Variants in CUX1 observed in about 807,000 individuals in gnomAD.
CUX1 encodes the protein cut like homeobox 1, also known as protein CASP.
A neutral mutation model predicts 158.8 loss-of-function variants in CUX1; 31 were observed. That is an observed-to-expected ratio of 0.20 (90% CI 0.15 to 0.26). The LOEUF is 0.26. Among genes scored for constraint, CUX1 ranks in the 10% least tolerant of loss-of-function variants. The pLI, the probability that CUX1 is intolerant of heterozygous loss-of-function variation, is 1.00. For synonymous variants in CUX1, 879 were observed against 862.1 expected, an observed-to-expected ratio of 1.02 and a Z score of -0.34; for missense variants, 1,589 against 2,014.6, an observed-to-expected ratio of 0.79 and a Z score of 4.04.
chr7:101,904,974 G>A (rs1253231164), intron 1 of CUX1, among the ~76,000 whole-genome samples: 1 of 152,158 alleles, frequency 6.6e-6, no homozygotes, highest in Admixed American at 6.6e-5. Flanking sequence ...ATTGCACTGG[G>A]CGTTTTATGT....
chr7:102,109,410 C>T (rs186298335), intron 6 of CUX1, among the ~76,000 whole-genome samples: 3 of 152,210 alleles, frequency 2.0e-5, no homozygotes, highest in Admixed American at 6.5e-5. Context: ...GCAGAGTATA[C>T]GAAAACACAC....
At chr7:102,143,329 C>T (rs371073546) in intron 8 of CUX1, among the ~76,000 whole-genome samples, 37 of 152,262 alleles carry the variant, frequency 2.4e-4, no homozygotes, top group Non-Finnish European at 2.9e-4. Context: ...AGCACAGAGG[C>T]GCGATCATAG....
intron 2 of CUX1, among the ~76,000 whole-genome samples, chr7:102,022,779 A>G (rs1001134455): frequency 7.9e-5 from 12 of 152,266 alleles, no homozygotes; most frequent in African/African-American, 2.7e-4. Flanking sequence ...TCTCAAGAAC[A>G]TCACTTTCTG....
chr7:102,151,791 C>A (rs911220616), intron 8 of CUX1, among the ~76,000 whole-genome samples: 2 of 151,114 alleles, frequency 1.3e-5, no homozygotes, highest in Non-Finnish European at 2.9e-5. Context: ...GCAAGACCCG[C>A]CTCCTTGGTC....
At chr7:102,046,569 A>ATTTTTTTGTTTTTTTTTTTTTTTT (rs1822832596) in intron 3 of CUX1, among the ~76,000 whole-genome samples, 1 of 55,466 alleles carries the variant, frequency 1.8e-5, no homozygotes, top group Non-Finnish European at 3.2e-5. Context: ...TTTGGTTTGG[A>ATTTTTTTGTTTTTTTTTTTTTTTT]TTTTTTTTTT....
intron 9 of CUX1, among the ~76,000 whole-genome samples, chr7:102,169,398 C>T (rs1554509814): frequency 6.6e-6 from 1 of 152,212 alleles, no homozygotes; most frequent in South Asian, 2.1e-4. Context: ...TTGAATGTTT[C>T]TAGCAGTGGA....
chr7:101,956,662 G>A (rs1298555669), intron 2 of CUX1, among the ~76,000 whole-genome samples: 3 of 152,178 alleles, frequency 2.0e-5, no homozygotes, highest in Non-Finnish European at 4.4e-5. Flanking sequence ...TACAGTTAAA[G>A]CCGCCTGGGC....
At chr7:102,110,108 AT>A in intron 6 of CUX1, among the ~76,000 whole-genome samples, 1 of 152,198 alleles carries the variant, frequency 6.6e-6, no homozygotes, top group South Asian at 2.1e-4. Context: ...GGGCAGGGAG[AT>A]TATATTATAC....
intron 12 of CUX1, among the ~76,000 whole-genome samples, chr7:102,193,074 A>G (rs1167495716): frequency 6.6e-6 from 1 of 152,236 alleles, no homozygotes; most frequent in Non-Finnish European, 1.5e-5. Context: ...GCTGCAGAGA[A>G]GGTCTGCCCA....
chr7:101,904,431 C>G (rs1178644064), intron 1 of CUX1, among the ~76,000 whole-genome samples: 2 of 152,114 alleles, frequency 1.3e-5, no homozygotes, highest in African/African-American at 4.8e-5. Flanking sequence ...TGAACAGATT[C>G]AAGAGAATAG....
rs1801230274 is a variant in CUX1, at chr7:102,249,332, C to T, written c.*290C>T. On this transcript the variant is annotated 3_prime_UTR_variant, in exon 24 of 24. Transcript: ENST00000292535. ...GCCCGCGGCCTGGACCCCTGGACCG[C>T]TTTGCGCACTTACCGCCCTGCGGGC... 7.9e-6 allele frequency: 8 copies of T among 1,018,204 alleles called. No homozygotes were observed. Among genetic ancestry groups the T allele is most frequent in the Non-Finnish European group, 9.4e-6 (8 of 850,840 alleles). The allele number at this position is 1,018,204 out of a possible 1,614,324, so 63.1% of individuals were successfully genotyped here.
chr7:102,048,551 G>T lies in CUX1; in HGVS notation c.189+20406G>T, dbSNP rs933793065. ...TCAAATTTTCAAAAAAAAATCAGCT[G>T]GGCACAATGGCTCATGCCTGTAATC... On this transcript the variant is annotated intron_variant, in intron 3 of 23. Transcript: ENST00000292535. Among the ~76,000 whole-genome samples, 16 of 152,166 alleles carry T rather than the reference G, an allele frequency of 1.1e-4. 1 individual carries two copies. Among genetic ancestry groups the T allele is most frequent in the African/African-American group, 3.9e-4 (16 of 41,436 alleles).
At position 101,830,018 on chromosome 7, in the gene CUX1, G is replaced by A. The variant is rs1016279015; in HGVS notation, c.30+12349G>A. Among the ~76,000 whole-genome samples, 24 of 152,346 alleles carry A rather than the reference G, an allele frequency of 1.6e-4. 1 individual carries two copies. Among genetic ancestry groups the A allele is most frequent in the African/African-American group, 4.6e-4 (19 of 41,578 alleles). On this transcript the variant is annotated intron_variant, in intron 1 of 23. Transcript: ENST00000292535. ...GGAGCGGCCTGCCCTATCTGTGGGCGGTTCGGTGAGTGCTAGATGGGGTGT... is the reference window on the plus strand; with the variant it reads ...GGAGCGGCCTGCCCTATCTGTGGGCAGTTCGGTGAGTGCTAGATGGGGTGT...
chr7:101,904,123 C>CACAA (rs1554410869), intron 1 of CUX1, among the ~76,000 whole-genome samples: 1 of 150,700 alleles, frequency 6.6e-6, no homozygotes, highest in Non-Finnish European at 1.5e-5. Flanking sequence ...ACAAAACACA[C>CACAA]ACACACACAC....
At chr7:102,112,301 G>A (rs1209807360) in intron 7 of CUX1, among the ~76,000 whole-genome samples, 1 of 147,750 alleles carries the variant, frequency 6.8e-6, no homozygotes, top group Non-Finnish European at 1.5e-5. Flanking sequence ...GAGTGCAGTG[G>A]CACGATCTTG....
At chr7:101,821,546 G>A (rs1467549580) in intron 1 of CUX1, among the ~76,000 whole-genome samples, 1 of 150,972 alleles carries the variant, frequency 6.6e-6, no homozygotes, top group Non-Finnish European at 1.5e-5. Flanking sequence ...CACCGTGTTA[G>A]CCCGGATGGT....
At chr7:102,161,301 TTG>T (rs1790407553) in intron 9 of CUX1, 1 of 152,128 alleles carries the variant, frequency 6.6e-6, no homozygotes, top group Non-Finnish European at 1.5e-5. Flanking sequence ...TGAGCTATGA[TTG>T]CACCACTGCA....
chr7:101,969,552 C>G (rs1158083138), intron 2 of CUX1, among the ~76,000 whole-genome samples: 1 of 152,080 alleles, frequency 6.6e-6, no homozygotes. Flanking sequence ...GAAGTCAGCC[C>G]TGCACTTTCA....
At chr7:101,893,499 G>A (rs184443056) in intron 1 of CUX1, among the ~76,000 whole-genome samples, 3 of 152,238 alleles carry the variant, frequency 2.0e-5, no homozygotes, top group East Asian at 1.9e-4. Flanking sequence ...TAAGAAGCGC[G>A]TTTGGGGCAC....
Sources: allele counts gnomAD v4.1 joint callset (sites outside exome capture counted in the v4.1 genomes callset), GRCh38; gene constraint gnomAD v4.1.1; transcripts MANE v1.5; gene names NCBI Gene and HGNC (gene_info 2026-07-23, HGNC 2026-07-21).